Variants in CACNG3 observed in about 807,000 individuals in gnomAD.
The protein encoded by CACNG3 is calcium voltage-gated channel auxiliary subunit gamma 3.
In CACNG3, 3 loss-of-function variants were observed where a neutral mutation model predicts 28.5. The observed-to-expected ratio is 0.11, with a 90% CI of 0.05 to 0.27. The LOEUF (loss-of-function observed/expected upper bound fraction) is 0.27, where lower values mean the gene tolerates loss of function less well. CACNG3 is among the 10% of genes least tolerant of loss of function. The pLI, the probability that CACNG3 is intolerant of heterozygous loss-of-function variation, is 1.00. For synonymous variants in CACNG3, 174 were observed against 162.2 expected (o/e 1.07, Z -0.55); for missense variants, 236 against 414.4 (o/e 0.57, Z 3.74).
At chr16:24,285,404 A>G (rs1002242657) in intron 1 of CACNG3, among the ~76,000 whole-genome samples, 4 of 151,986 alleles carry the variant, frequency 2.6e-5, no homozygotes, top group Admixed American at 6.6e-5. Flanking sequence ...AATACCCCCT[A>G]CTCTATTCTC....
At chr16:24,266,821 T>G (rs1445504098) in intron 1 of CACNG3, among the ~76,000 whole-genome samples, 1 of 152,164 alleles carries the variant, frequency 6.6e-6, no homozygotes, top group Admixed American at 6.5e-5. Flanking sequence ...AGGGCAAGTC[T>G]GCCCTTCTTC....
intron 1 of CACNG3, among the ~76,000 whole-genome samples, chr16:24,317,359 T>C (rs187833409): frequency 6.6e-6 from 1 of 151,792 alleles, no homozygotes; most frequent in Non-Finnish European, 1.5e-5. Context: ...CTGGCCAACA[T>C]GGTGAAACCC....
At chr16:24,306,993 C>T (rs573111824) in intron 1 of CACNG3, among the ~76,000 whole-genome samples, 1 of 152,288 alleles carries the variant, frequency 6.6e-6, no homozygotes, top group Non-Finnish European at 1.5e-5. Context: ...CTGCTCTCAG[C>T]ACAAAGGAGC....
chr16:24,341,900 G>A (rs76799925), intron 1 of CACNG3, among the ~76,000 whole-genome samples: 1 of 152,332 alleles, frequency 6.6e-6, no homozygotes, highest in African/African-American at 2.4e-5. Context: ...GCATGGAAAT[G>A]TGAGACAGAG....
At chr16:24,359,212 A>C (rs1900074448) in intron 3 of CACNG3, among the ~76,000 whole-genome samples, 1 of 152,150 alleles carries the variant, frequency 6.6e-6, no homozygotes, top group Non-Finnish European at 1.5e-5. Context: ...TTGAGCTGAG[A>C]CGTCTTTGAA....
chr16:24,311,514 A>ATAAATAAAC (rs1403100355), intron 1 of CACNG3, among the ~76,000 whole-genome samples: 1 of 151,848 alleles, frequency 6.6e-6, no homozygotes, highest in Non-Finnish European at 1.5e-5. Context: ...ATTTCAAAAA[A>ATAAATAAAC]AAAAAAAGTG....
chr16:24,300,330 G>T (rs1003223573), intron 1 of CACNG3, among the ~76,000 whole-genome samples: 1 of 152,088 alleles, frequency 6.6e-6, no homozygotes, highest in Non-Finnish European at 1.5e-5. Flanking sequence ...TGTCTACAGA[G>T]GCCAGGCAGG....
At chr16:24,300,000 T>C (rs978698186) in intron 1 of CACNG3, among the ~76,000 whole-genome samples, 1 of 152,078 alleles carries the variant, frequency 6.6e-6, no homozygotes, top group African/African-American at 2.4e-5. Context: ...ATTTCTTATG[T>C]TGTATGAGGG....
At chr16:24,323,500 G>A (rs967687101) in intron 1 of CACNG3, among the ~76,000 whole-genome samples, 1 of 152,114 alleles carries the variant, frequency 6.6e-6, no homozygotes. Flanking sequence ...AAAGAAAACT[G>A]AAGCTCAGAG....
rs1199003977 is a variant in CACNG3, at chr16:24,361,028, A to G, written c.437-324A>G. 2.0e-5 allele frequency among the ~76,000 whole-genome samples: 3 copies of G among 152,184 alleles called. No homozygotes were observed. The highest frequency in any genetic ancestry group is 2.9e-5 in the Non-Finnish European group (2 of 68,040). On this transcript the variant is annotated intron_variant, in intron 3 of 3. Coordinates refer to ENST00000005284, the MANE Select transcript of CACNG3 (RefSeq NM_006539.4). This position sits in a 1 kb window ranked among gnomAD's most constrained non-coding sequence, Gnocchi z 6.8. ...GTATCTTGTTCATTTTACAATCTTC[A>G]TGACTTAGTGCCAAAGATTAAGTGT... is the stretch of plus-strand genomic sequence containing the variant.
chr16:24,321,135 T>C (rs962262923), intron 1 of CACNG3, among the ~76,000 whole-genome samples: 1 of 152,152 alleles, frequency 6.6e-6, no homozygotes, highest in Admixed American at 6.5e-5. Flanking sequence ...GTATCCACAC[T>C]GTAGATGCTA....
chr16:24,289,551 C>A (rs917047293), intron 1 of CACNG3, among the ~76,000 whole-genome samples: 3 of 152,132 alleles, frequency 2.0e-5, no homozygotes, highest in Non-Finnish European at 2.9e-5. Context: ...TGGGTCTGAG[C>A]CATCAACACA....
chr16:24,349,833 A>T (rs986026638), intron 2 of CACNG3, among the ~76,000 whole-genome samples: 3 of 152,086 alleles, frequency 2.0e-5, no homozygotes, highest in Non-Finnish European at 4.4e-5. Context: ...GCTTCATTTC[A>T]CCTATCCCCT....
rs577618395 is a variant in CACNG3, at chr16:24,326,547, C to T, written c.212-20187C>T. 3.3e-5 allele frequency among the ~76,000 whole-genome samples: 5 copies of T among 152,302 alleles called. No homozygotes were observed. The South Asian group carries it at 8.3e-4, about 25-fold the overall frequency. Reference sequence around the variant, plus strand: ...TGGACAAACTTGGTCACTTGCCCTCCCCTGAACCAATCACGCCAATCAAGG... The same window carrying T: ...TGGACAAACTTGGTCACTTGCCCTCTCCTGAACCAATCACGCCAATCAAGG... On this transcript the variant is annotated intron_variant, in intron 1 of 3. Transcript: ENST00000005284.
chr16:24,347,098 G>A lies in CACNG3; in HGVS notation c.295+281G>A, dbSNP rs571421030. Reference sequence around the variant, plus strand: ...TGGGAGGCAGAGGCCAGAAAGGATCGCTTGAGCTCAGGAGGTCGAGATCAG... The same window carrying A: ...TGGGAGGCAGAGGCCAGAAAGGATCACTTGAGCTCAGGAGGTCGAGATCAG... On this transcript the variant is annotated intron_variant, in intron 2 of 3. Transcript: ENST00000005284. 2.2e-3 allele frequency among the ~76,000 whole-genome samples: 331 copies of A among 152,258 alleles called. 1 individual carries two copies. Among genetic ancestry groups the A allele is most frequent in the African/African-American group, 7.2e-3 (298 of 41,538 alleles).
At chr16:24,294,799 C>G (rs941578362) in intron 1 of CACNG3, among the ~76,000 whole-genome samples, 1 of 152,260 alleles carries the variant, frequency 6.6e-6, no homozygotes, top group Non-Finnish European at 1.5e-5. Flanking sequence ...AGTCTTGTGA[C>G]AGTTTGTCTA....
chr16:24,327,112 C>G (rs1218297663), intron 1 of CACNG3, among the ~76,000 whole-genome samples: 2 of 100,106 alleles, frequency 2.0e-5, no homozygotes, highest in Non-Finnish European at 3.5e-5. Context: ...GTGGCCAAGG[C>G]AGGGGCTCCA....
At chr16:24,265,309 GAGAA>G (rs1431995345) in intron 1 of CACNG3, among the ~76,000 whole-genome samples, 3 of 136,794 alleles carry the variant, frequency 2.2e-5, no homozygotes, top group Non-Finnish European at 4.7e-5. Context: ...GAAGGAAAAA[GAGAA>G]GGAAGGAAGG....
intron 1 of CACNG3, among the ~76,000 whole-genome samples, chr16:24,286,095 AT>A (rs1252594931): frequency 2.6e-5 from 4 of 151,642 alleles, no homozygotes; most frequent in African/African-American, 9.7e-5. Context: ...CCCTAACTTG[AT>A]TTTTTCAATA....
Sources: gnomAD v4.1 joint callset for allele counts (sites outside exome capture counted in the v4.1 genomes callset) on GRCh38, gnomAD v4.1.1 for gene constraint, Gnocchi (gnomAD v3.1) non-coding constraint, MANE v1.5 for transcripts, NCBI Gene and HGNC (gene_info 2026-07-23, HGNC 2026-07-21) for gene names.